Variants in LZTS1 observed in about 807,000 individuals in gnomAD.
The protein encoded by LZTS1 is leucine zipper putative tumor suppressor 1.
LZTS1 carries 31 observed loss-of-function variants against 45.8 expected under a neutral mutation model. The observed-to-expected ratio is 0.68, with a 90% CI of 0.51 to 0.91. LZTS1 has a LOEUF of 0.91. Among genes scored for constraint, LZTS1 ranks in the 40% least tolerant of loss-of-function variants. The pLI is 0.00. For missense variants in LZTS1, 821 were observed against 788.9 expected (o/e 1.04, Z -0.49); for synonymous variants, 359 against 357.3 (o/e 1.00, Z -0.05).
In LZTS1 at chr8:20,274,464, T is replaced by TG. The variant is rs1223798010; in HGVS notation, c.-134-19150dup. On this transcript the variant is annotated intron_variant, in intron 1 of 3. Transcript: ENST00000381569. ...AGCGGCAATCATCTCCATCCCGGTG[T>TG]GTGATGGAGGCTTCTCCATGTGGGC... Among the ~76,000 whole-genome samples, 11 of 152,260 alleles carry TG rather than the reference T, an allele frequency of 7.2e-5. No individual in the cohort carries two copies. In the East Asian group the frequency reaches 1.9e-3, roughly 27 times the overall value.
chr8:20,281,609 A>G lies in LZTS1; in HGVS notation c.-135+22131T>C, dbSNP rs1393095610. 3.3e-5 allele frequency among the ~76,000 whole-genome samples: 5 copies of G among 152,112 alleles called. No homozygotes were observed. In the East Asian group the frequency reaches 7.8e-4, roughly 24 times the overall value. ...ATGGCTGAGTGCCCTCCTCACAGTC[A>G]TGAGTGAGTTCTTGCTGAATTCGTT... On this transcript the variant is annotated intron_variant, in intron 1 of 3. Transcript: ENST00000381569.
In LZTS1 at chr8:20,286,791, G is replaced by A. The variant is rs144143069; in HGVS notation, c.-135+16949C>T. Among the ~76,000 whole-genome samples the A allele has an allele frequency of 1.1e-3, 166 of 152,254 alleles. 2 individuals are homozygous for A. The highest frequency in any genetic ancestry group is 3.6e-3 in the African/African-American group (151 of 41,546). On this transcript the variant is annotated intron_variant, in intron 1 of 3. Coordinates refer to ENST00000381569, the MANE Select transcript of LZTS1 (RefSeq NM_021020.5). ...GGTTCATGTGTAGAGGGGATCCCAGGGAGCAACGGGCACGAATGACAGCAC... is the reference window on the plus strand; with the variant it reads ...GGTTCATGTGTAGAGGGGATCCCAGAGAGCAACGGGCACGAATGACAGCAC...
chr8:20,272,869 A>G (rs908685038), intron 1 of LZTS1, among the ~76,000 whole-genome samples: 3 of 152,346 alleles, frequency 2.0e-5, no homozygotes, highest in South Asian at 4.1e-4. Flanking sequence ...CTCTCCCATG[A>G]GCATTTAAAC....
intron 1 of LZTS1, among the ~76,000 whole-genome samples, chr8:20,289,014 A>G (rs1240438425): frequency 7.6e-6 from 1 of 131,710 alleles, no homozygotes; most frequent in African/African-American, 2.9e-5. Context: ...TTTTAGACAT[A>G]TGGGACTTGG....
At chr8:20,276,613 AGT>A (rs1367107031) in intron 1 of LZTS1, among the ~76,000 whole-genome samples, 1 of 152,224 alleles carries the variant, frequency 6.6e-6, no homozygotes, top group African/African-American at 2.4e-5. Context: ...TCAATCAGTA[AGT>A]GTGTTTCACT....
intron 1 of LZTS1, among the ~76,000 whole-genome samples, chr8:20,298,897 G>T (rs187618614): frequency 3.0e-4 from 45 of 152,228 alleles, no homozygotes; most frequent in African/African-American, 1.0e-3. Flanking sequence ...CAAAAAACCA[G>T]TGTGAGAGAC....
intron 1 of LZTS1, among the ~76,000 whole-genome samples, chr8:20,270,400 GCCTGCAGCTTC>G: frequency 6.6e-6 from 1 of 152,358 alleles, no homozygotes; most frequent in East Asian, 1.9e-4. Context: ...CACCCCAGCA[GCCTGCAGCTTC>G]CCGTGTCATC....
intron 1 of LZTS1, among the ~76,000 whole-genome samples, chr8:20,262,855 G>A (rs1002901252): frequency 3.9e-5 from 6 of 152,262 alleles, no homozygotes; most frequent in African/African-American, 1.4e-4. Flanking sequence ...AACTTGGTTT[G>A]GGGGGAAGAG....
intron 1 of LZTS1, among the ~76,000 whole-genome samples, chr8:20,294,708 A>G (rs1800953382): frequency 6.6e-6 from 1 of 151,908 alleles, no homozygotes; most frequent in Non-Finnish European, 1.5e-5. Flanking sequence ...GGAGCAGGGA[A>G]GAGCTCAAGC....
At chr8:20,265,854 A>G (rs1180881325) in intron 1 of LZTS1, among the ~76,000 whole-genome samples, 1 of 152,022 alleles carries the variant, frequency 6.6e-6, no homozygotes, top group Non-Finnish European at 1.5e-5. Flanking sequence ...CTCAGTGCTC[A>G]GCTCCCTTGG....
Position 20,252,885 on chromosome 8 carries a change from A to T in LZTS1, c.1046T>A (p.Leu349His), listed in dbSNP as rs1470681782. ...GTCCTGCTCCTTCATGAGGCTCTCG[A>T]GCTCCTGCCGGAGCTGCCGCTTCTC... The part of the protein sequence containing the change: ...QQEKRQLRQE[L>H]ESLMKEQDLL... Residue 349 changes from leucine to histidine, a missense_variant, in exon 3 of 4, where the codon CTC becomes CAC. By Grantham distance (99) the Leu-to-His change is moderately conservative (BLOSUM62 -3). Coordinates refer to ENST00000381569, the MANE Select transcript of LZTS1 (RefSeq NM_021020.5). The T allele has an allele frequency of 1.9e-6, 3 of 1,611,008 alleles. No individual in the cohort carries two copies. In the South Asian group the frequency reaches 3.3e-5, roughly 18 times the overall value.
chr8:20,291,007 T>G (rs1379896491), intron 1 of LZTS1, among the ~76,000 whole-genome samples: 1 of 152,054 alleles, frequency 6.6e-6, no homozygotes, highest in Non-Finnish European at 1.5e-5. Context: ...TCCCCTCAGC[T>G]CCTCCACTCC....
intron 1 of LZTS1, among the ~76,000 whole-genome samples, 160 bp downstream of exon 1, chr8:20,303,580 C>A (rs1801119415): frequency 6.6e-6 from 1 of 151,832 alleles, no homozygotes; most frequent in African/African-American, 2.4e-5. Flanking sequence ...CAGCTCCACG[C>A]GGAGACAAAG....
intron 1 of LZTS1, among the ~76,000 whole-genome samples, chr8:20,259,794 A>G (rs1800186114): frequency 6.6e-6 from 1 of 152,002 alleles, no homozygotes; most frequent in Non-Finnish European, 1.5e-5. Context: ...GGCTTTCTCC[A>G]GTTAATCTTG....
In LZTS1 at chr8:20,282,540, T is replaced by A. The variant is rs183398139; in HGVS notation, c.-135+21200A>T. 7.9e-5 allele frequency among the ~76,000 whole-genome samples: 12 copies of A among 152,372 alleles called. No individual in the cohort carries two copies. The East Asian group carries it at 2.3e-3, about 29-fold the overall frequency. ...CTTCTTGACTAGCTGTAAGAACTGC[T>A]ACCTAATTGCTTTGAACTGTAGTTT... On this transcript the variant is annotated intron_variant, in intron 1 of 3. Transcript: ENST00000381569.
At chr8:20,275,926 A>G (rs2128896577) in intron 1 of LZTS1, 1 of 152,428 alleles carries the variant, frequency 6.6e-6, no homozygotes, top group African/African-American at 2.4e-5. Flanking sequence ...TATGTGGTTG[A>G]GTGCATTTCA....
At chr8:20,262,721 G>A (rs1478119012) in intron 1 of LZTS1, among the ~76,000 whole-genome samples, 1 of 152,064 alleles carries the variant, frequency 6.6e-6, no homozygotes, top group African/African-American at 2.4e-5. Context: ...TCATGATGGG[G>A]GTGCTACTGT....
intron 1 of LZTS1, among the ~76,000 whole-genome samples, chr8:20,279,074 T>C (rs928246628): frequency 6.6e-6 from 1 of 152,200 alleles, no homozygotes; most frequent in Admixed American, 6.5e-5. Flanking sequence ...ACAAAACTTC[T>C]CCCTATATCT....
chr8:20,281,460 CT>C (rs1800691118), intron 1 of LZTS1, among the ~76,000 whole-genome samples: 1 of 151,970 alleles, frequency 6.6e-6, no homozygotes, highest in South Asian at 2.1e-4. Flanking sequence ...GTAATCTCAG[CT>C]ACTCGGGAGG....
Sources: gnomAD v4.1 joint callset for allele counts (sites outside exome capture counted in the v4.1 genomes callset) on GRCh38, gnomAD v4.1.1 for gene constraint, MANE v1.5 for transcripts, NCBI Gene and HGNC (gene_info 2026-07-23, HGNC 2026-07-21) for gene names.